Variants in PTPRG observed in about 807,000 individuals in gnomAD.
PTPRG encodes the protein receptor-type tyrosine-protein phosphatase gamma.
In PTPRG, 102 loss-of-function variants were observed where a neutral mutation model predicts 165.3. The observed-to-expected ratio is 0.62, with a 90% CI of 0.53 to 0.73. The LOEUF is 0.73. Ranked by LOEUF, PTPRG falls within the 30% of genes least tolerant of loss-of-function variation. PTPRG has a pLI of 0.00. For synonymous variants in PTPRG, 675 were observed against 669.5 expected (o/e 1.01, Z -0.13); for missense variants, 1,866 against 1,861.4 (o/e 1.00, Z -0.05).
At chr3:61,663,991 A>C (rs1158218302) in intron 1 of PTPRG, among the ~76,000 whole-genome samples, 1 of 152,198 alleles carries the variant, frequency 6.6e-6, no homozygotes, top group Admixed American at 6.5e-5. Context: ...TAAAGCACTT[A>C]CACAGTAGGC....
chr3:61,823,151 A>C (rs2036005848), intron 2 of PTPRG, among the ~76,000 whole-genome samples: 1 of 152,126 alleles, frequency 6.6e-6, no homozygotes, highest in African/African-American at 2.4e-5. Flanking sequence ...TGGGAGATTG[A>C]TGGAGTTGAA....
intron 1 of PTPRG, among the ~76,000 whole-genome samples, chr3:61,682,276 T>C (rs1703474177): frequency 6.6e-6 from 1 of 152,018 alleles, no homozygotes; most frequent in South Asian, 2.1e-4. Flanking sequence ...TTGATAATTC[T>C]ACTATGATTA....
At chr3:62,120,023 T>A (rs945414521) in intron 5 of PTPRG, among the ~76,000 whole-genome samples, 22 of 152,294 alleles carry the variant, frequency 1.4e-4, no homozygotes, top group African/African-American at 4.8e-4. Context: ...AACATCCAGA[T>A]GCCCAGGCCA....
chr3:61,761,607 A>AAACC (rs1342603538), intron 2 of PTPRG, among the ~76,000 whole-genome samples: 22 of 151,884 alleles, frequency 1.4e-4, no homozygotes, highest in Admixed American at 1.4e-3. Flanking sequence ...ACAAACAAAC[A>AAACC]AACCGTCATC....
intron 1 of PTPRG, among the ~76,000 whole-genome samples, chr3:61,681,075 A>AAAAAAAAAAAAAAAAAAG (rs999333286): frequency 2.0e-5 from 3 of 150,212 alleles, no homozygotes; most frequent in African/African-American, 7.4e-5. Flanking sequence ...AAAAAAAAAA[A>AAAAAAAAAAAAAAAAAAG]AAGAAGAAGA....
intron 2 of PTPRG, among the ~76,000 whole-genome samples, chr3:61,986,876 C>G (rs1274709296): frequency 6.6e-6 from 1 of 152,112 alleles, no homozygotes; most frequent in Non-Finnish European, 1.5e-5. Context: ...GTGTTCATCT[C>G]TTCCCAACTA....
chr3:62,012,858 G>A (rs1305261114), intron 4 of PTPRG, among the ~76,000 whole-genome samples: 1 of 152,138 alleles, frequency 6.6e-6, no homozygotes, highest in Admixed American at 6.5e-5. Context: ...AGAGAGATAC[G>A]AAGGGAATAG....
intron 2 of PTPRG, among the ~76,000 whole-genome samples, chr3:61,932,915 CCAAGA>C (rs2039395956): frequency 6.6e-6 from 1 of 152,138 alleles, no homozygotes; most frequent in Non-Finnish European, 1.5e-5. Flanking sequence ...CTAATCTGGA[CCAAGA>C]CTGGGGCTAG....
intron 21 of PTPRG, 26 bp from the exon 22 acceptor site, chr3:62,272,920 C>T (rs1158749804): frequency 1.9e-6 from 3 of 1,552,084 alleles, no homozygotes; most frequent in Middle Eastern, 1.7e-4. Context: ...ACAAAAGTGC[C>T]AGTTGAGTGT....
intron 2 of PTPRG, among the ~76,000 whole-genome samples, chr3:61,844,037 C>T (rs1033158656): frequency 2.0e-5 from 3 of 149,828 alleles, no homozygotes. Flanking sequence ...AATCTCGTCT[C>T]ACTGCAAATT....
At chr3:62,030,563 T>A (rs1200894826) in intron 4 of PTPRG, among the ~76,000 whole-genome samples, 2 of 152,166 alleles carry the variant, frequency 1.3e-5, no homozygotes, top group Non-Finnish European at 2.9e-5. Context: ...ACACTTTTAC[T>A]GGAGATGTCA....
intron 1 of PTPRG, among the ~76,000 whole-genome samples, chr3:61,691,452 T>G (rs2030210568): frequency 1.3e-5 from 2 of 152,166 alleles, no homozygotes; most frequent in South Asian, 4.1e-4. Context: ...AAATGGAGTG[T>G]GATCCTATTT....
intron 1 of PTPRG, among the ~76,000 whole-genome samples, chr3:61,599,421 T>C (rs540582386): frequency 7.2e-5 from 11 of 152,266 alleles, no homozygotes; most frequent in Non-Finnish European, 1.6e-4. Flanking sequence ...GTGTTGAGAT[T>C]ACAGGCATGA....
chr3:62,074,180 A>AGTGAGT lies in PTPRG; in HGVS notation c.520-3980_520-3979insAGTGTG, dbSNP rs1553713355. On this transcript the variant is annotated intron_variant, in intron 4 of 29. Coordinates refer to ENST00000474889, the MANE Select transcript of PTPRG (RefSeq NM_002841.4). Reference sequence around the variant, plus strand: ...CAGATGATTGAGGAAAAAAAGTGAGAGTGTGTGTGTGTGTGTGTGTGTGTG... The same window carrying AGTGAGT: ...CAGATGATTGAGGAAAAAAAGTGAGAGTGAGTGTGTGTGTGTGTGTGTGTGTGTGTG... 3.7e-4 allele frequency among the ~76,000 whole-genome samples: 53 copies of AGTGAGT among 143,688 alleles called. 1 individual carries two copies. Among genetic ancestry groups the AGTGAGT allele is most frequent in the Admixed American group, 3.7e-3 (53 of 14,370 alleles). 94.3% of individuals were successfully genotyped at this position (143,688 alleles called of 152,430 possible).
chr3:61,666,329 A>G (rs1322728401), intron 1 of PTPRG, among the ~76,000 whole-genome samples: 2 of 152,238 alleles, frequency 1.3e-5, no homozygotes, highest in Non-Finnish European at 2.9e-5. Context: ...ATTTGATAGC[A>G]GTTCACAGAC....
intron 7 of PTPRG, among the ~76,000 whole-genome samples, chr3:62,167,263 T>C (rs1241271219): frequency 6.6e-6 from 1 of 152,124 alleles, no homozygotes; most frequent in Non-Finnish European, 1.5e-5. Flanking sequence ...CGATTACCCA[T>C]CTGGTAAATG....
At chr3:62,144,376 TTTCAACTGA>T (rs1160924861) in intron 6 of PTPRG, among the ~76,000 whole-genome samples, 5 of 152,336 alleles carry the variant, frequency 3.3e-5, no homozygotes. Flanking sequence ...TCATCACATG[TTTCAACTGA>T]ATTAATGAGG....
intron 5 of PTPRG, among the ~76,000 whole-genome samples, chr3:62,116,470 C>T (rs1702873322): frequency 1.3e-5 from 2 of 152,144 alleles, no homozygotes; most frequent in Admixed American, 1.3e-4. Context: ...GATATTTTCA[C>T]ATAATGGTAT....
chr3:62,033,870 C>T (rs537278224), intron 4 of PTPRG, among the ~76,000 whole-genome samples: 9 of 152,266 alleles, frequency 5.9e-5, no homozygotes, highest in Admixed American at 1.3e-4. Flanking sequence ...CAGGTTCAAG[C>T]GATTCTCTTG....
Sources: allele counts gnomAD v4.1 joint callset (sites outside exome capture counted in the v4.1 genomes callset), GRCh38; gene constraint gnomAD v4.1.1; transcripts MANE v1.5; gene names NCBI Gene and HGNC (gene_info 2026-07-23, HGNC 2026-07-21).